Variants in MAST4 observed in about 807,000 individuals in gnomAD.
MAST4 encodes the protein microtubule-associated serine/threonine-protein kinase 4.
MAST4 carries 89 observed loss-of-function variants against 162.7 expected under a neutral mutation model. The observed-to-expected ratio is 0.55, with a 90% confidence interval of 0.46 to 0.65. The LOEUF is 0.65. MAST4 is among the 30% of genes least tolerant of loss of function. The pLI is 0.00. For missense variants in MAST4, 3,153 were observed against 3,374.0 expected (o/e 0.93, Z 1.62); for synonymous variants, 1,479 against 1,361.1 (o/e 1.09, Z -1.91).
In MAST4 at chr5:67,164,962, A is replaced by C; in HGVS notation, c.5783A>C (p.His1928Pro). The change falls in exon 29 of 29, where the codon CAC (histidine) becomes CCC (proline). Residue 1928 changes from histidine to proline, a missense_variant. His to Pro is a moderately conservative substitution (Grantham distance 77). This residue lies in a region of MAST4 where 1,644 missense variants were observed against 1,495.0 expected (regional missense o/e 1.10). Transcript: ENST00000403625. The surrounding 1 kb of genome is among the most constrained non-coding windows in gnomAD (Gnocchi z 5.3). ...CAGAGAGAGGGCAGCTCCCCTAAACACCAAGACCACACCACTGACCCCAAG... is the reference window on the plus strand; with the variant it reads ...CAGAGAGAGGGCAGCTCCCCTAAACCCCAAGACCACACCACTGACCCCAAG... ...PQQREGSSPK[H>P]QDHTTDPKLL... The C allele has an allele frequency of 1.2e-6, 2 of 1,613,840 alleles. No homozygotes were observed. Among genetic ancestry groups the C allele is most frequent in the South Asian group, 2.2e-5 (2 of 91,068 alleles).
At chr5:66,663,796 C>T (rs1261316168) in intron 1 of MAST4, among the ~76,000 whole-genome samples, 1 of 152,110 alleles carries the variant, frequency 6.6e-6, no homozygotes. Context: ...AGGTTTTGAG[C>T]AAAGGAATGA....
chr5:67,165,021 C>A lies in MAST4; in HGVS notation c.5842C>A (p.Pro1948Thr). 6.2e-7 allele frequency: 1 copy of A among 1,613,090 alleles called. No homozygotes were observed. The highest frequency in any genetic ancestry group is 8.5e-7 in the Non-Finnish European group (1 of 1,179,482). ...LTCLGQNLHS[P>T]DLARPRCPLP... ...CTGCCTGGGGCAGAACCTCCACAGCCCTGACCTGGCCAGGCCACGCTGCCC... is the reference window on the plus strand; with the variant it reads ...CTGCCTGGGGCAGAACCTCCACAGCACTGACCTGGCCAGGCCACGCTGCCC... The change falls in exon 29 of 29, where the codon CCT (proline) becomes ACT (threonine). Residue 1948 changes from proline (P) to threonine (T), a missense_variant. Physicochemically the swap from Pro to Thr is conservative, Grantham distance 38 (BLOSUM62 -1). Around this residue, in one of 7 missense-constraint regions of MAST4, gnomAD observed 1,644 missense variants for 1,495.0 expected, o/e 1.10. Coordinates refer to ENST00000403625, the MANE Select transcript of MAST4 (RefSeq NM_001164664.2).
intron 4 of MAST4, among the ~76,000 whole-genome samples, chr5:66,907,204 A>ATT (rs1763425018): frequency 1.2e-5 from 1 of 86,486 alleles, no homozygotes; most frequent in Non-Finnish European, 2.5e-5. Context: ...AGAGAGAGAG[A>ATT]GAGTCCTGCT....
Position 66,978,261 on chromosome 5 carries a change from C to G in MAST4, c.675-76143C>G, listed in dbSNP as rs537763450. Among the ~76,000 whole-genome samples, 17 of 152,258 alleles carry G rather than the reference C, an allele frequency of 1.1e-4. No homozygotes were observed. The South Asian group carries it at 3.5e-3, about 32-fold the overall frequency. On this transcript the variant is annotated intron_variant, in intron 4 of 28. Transcript: ENST00000403625. ...AATTTTACAGTTTTTTAAGTACATC[C>G]AAGGTTGGGTGAGTTGTAGTAATGA...
At chr5:66,812,959 C>T (rs1016724349) in intron 3 of MAST4, among the ~76,000 whole-genome samples, 123 of 152,212 alleles carry the variant, frequency 8.1e-4, no homozygotes, top group African/African-American at 2.7e-3. Flanking sequence ...GCTCAGTTTG[C>T]GCATCATTAA....
intron 3 of MAST4, among the ~76,000 whole-genome samples, chr5:66,794,642 T>A (rs1755563801): frequency 6.6e-6 from 1 of 152,234 alleles, no homozygotes; most frequent in South Asian, 2.1e-4. Context: ...TTCTTATCTT[T>A]ACTCAAAATG....
chr5:66,877,347 T>C (rs1029213517), intron 3 of MAST4, among the ~76,000 whole-genome samples: 2 of 152,318 alleles, frequency 1.3e-5, no homozygotes, highest in South Asian at 4.1e-4. Flanking sequence ...TTTACACACA[T>C]GTGAACCACT....
At chr5:66,738,248 G>A (rs1561296164) in intron 1 of MAST4, 1 of 152,282 alleles carries the variant, frequency 6.6e-6, no homozygotes, top group African/African-American at 2.4e-5. Flanking sequence ...AGTCACTGAA[G>A]CAGAGCTAGG....
At chr5:66,633,593 A>G (rs1032919614) in intron 1 of MAST4, among the ~76,000 whole-genome samples, 5 of 152,088 alleles carry the variant, frequency 3.3e-5, no homozygotes, top group Admixed American at 1.3e-4. Flanking sequence ...CTGGCATCCT[A>G]TTGGATTCTG....
At position 67,163,826 on chromosome 5, in the gene MAST4, A is replaced by C. The variant is rs1332773420; in HGVS notation, c.4647A>C (p.Glu1549Asp). 3.7e-6 allele frequency: 6 copies of C among 1,613,428 alleles called. No homozygotes were observed. The highest frequency in any genetic ancestry group is 5.1e-6 in the Non-Finnish European group (6 of 1,179,644). Residue 1549 changes from glutamate to aspartate, a missense_variant, in exon 29 of 29, where the codon GAA becomes GAC. This residue lies in a region of MAST4 where 1,644 missense variants were observed against 1,495.0 expected (regional missense o/e 1.10). Coordinates refer to ENST00000403625, the MANE Select transcript of MAST4 (RefSeq NM_001164664.2). The surrounding 1 kb of genome is among the most constrained non-coding windows in gnomAD (Gnocchi z 7.0). ...KKADGFPEKQ[E>D]SHQKSHGPGS... is the part of the protein sequence containing the mutation. The stretch of plus-strand genomic sequence containing the variant: ...CAGACGGCTTCCCAGAGAAACAGGA[A>C]TCCCACCAGAAATCCCATGGACCCG...
At position 67,166,294 on chromosome 5, in the gene MAST4, A is replaced by T. The variant is rs751767935; in HGVS notation, c.7115A>T (p.Lys2372Met). The part of the protein sequence containing the change: ...AANTDRRAEG[K>M]KCTEALYAPA... ...AACACCGACAGAAGGGCGGAAGGGA[A>T]GAAATGCACTGAAGCACTTTATGCT... Residue 2372 changes from lysine (K) to methionine (M), a missense_variant, in exon 29 of 29, where the codon AAG (lysine) becomes ATG (methionine). Coordinates refer to ENST00000403625, the MANE Select transcript of MAST4 (RefSeq NM_001164664.2). The T allele has an allele frequency of 5.1e-6, 8 of 1,565,862 alleles. No homozygotes were observed. The highest frequency in any genetic ancestry group is 6.9e-6 in the Non-Finnish European group (8 of 1,154,966).
At chr5:67,015,801 TTA>T (rs1753220955) in intron 4 of MAST4, among the ~76,000 whole-genome samples, 1 of 152,196 alleles carries the variant, frequency 6.6e-6, no homozygotes, top group African/African-American at 2.4e-5. Context: ...GAGGGGCTAT[TTA>T]TGAGTCATGC....
intron 1 of MAST4, among the ~76,000 whole-genome samples, chr5:66,701,758 C>A (rs888193666): frequency 5.9e-5 from 9 of 152,000 alleles, no homozygotes; most frequent in Non-Finnish European, 1.0e-4. Context: ...GGTTTTTTAA[C>A]CTCCATCTAT....
At chr5:66,811,566 G>A (rs1386971962) in intron 3 of MAST4, among the ~76,000 whole-genome samples, 12 of 152,090 alleles carry the variant, frequency 7.9e-5, no homozygotes, top group Admixed American at 2.6e-4. Flanking sequence ...GGAAAGCCTC[G>A]GAGTATTTCT....
At chr5:67,002,045 GA>G in intron 4 of MAST4, 1 of 152,034 alleles carries the variant, frequency 6.6e-6, no homozygotes, top group East Asian at 1.9e-4. Flanking sequence ...CTTGATCTTG[GA>G]TACCTACAAG....
At chr5:66,888,090 A>T (rs1011649520) in intron 3 of MAST4, among the ~76,000 whole-genome samples, 1 of 151,702 alleles carries the variant, frequency 6.6e-6, no homozygotes, top group Non-Finnish European at 1.5e-5. Flanking sequence ...AAAATACTTT[A>T]AAAAAACTGT....
chr5:66,699,995 A>G (rs918899391), intron 1 of MAST4, among the ~76,000 whole-genome samples: 16 of 151,448 alleles, frequency 1.1e-4, no homozygotes, highest in African/African-American at 7.3e-5. Context: ...TGAATCAATT[A>G]TTAACAGTGC....
intron 4 of MAST4, among the ~76,000 whole-genome samples, chr5:66,942,260 TA>T (rs888162914): frequency 2.6e-5 from 4 of 152,236 alleles, no homozygotes; most frequent in Non-Finnish European, 4.4e-5. Flanking sequence ...AAGACTATGA[TA>T]AAAAATTAGC....
In MAST4 at chr5:66,695,973, C is replaced by T. The variant is rs373829094; in HGVS notation, c.364-63736C>T. 3.3e-5 allele frequency among the ~76,000 whole-genome samples: 5 copies of T among 152,186 alleles called. 1 individual carries two copies. The East Asian group carries it at 9.7e-4, about 29-fold the overall frequency. On this transcript the variant is annotated intron_variant, in intron 1 of 28. Coordinates refer to ENST00000403625, the MANE Select transcript of MAST4 (RefSeq NM_001164664.2). ...AACCCAAATGCCCATCAATGATAGA[C>T]TGGATAAAGAAAATGTGGTACATGT...
Sources: gnomAD v4.1 joint callset for allele counts (sites outside exome capture counted in the v4.1 genomes callset) on GRCh38, gnomAD v4.1.1 for gene constraint, gnomAD v4.1.1 regional missense constraint, Gnocchi (gnomAD v3.1) non-coding constraint, MANE v1.5 for transcripts, NCBI Gene and HGNC (gene_info 2026-07-23, HGNC 2026-07-21) for gene names.